Variants in CPNE8 observed in about 807,000 individuals in gnomAD.
CPNE8 encodes the protein copine-8.
CPNE8 carries 45 observed loss-of-function variants against 81.5 expected under a neutral mutation model. The observed-to-expected ratio is 0.55, with a 90% CI of 0.44 to 0.71. The LOEUF (loss-of-function observed/expected upper bound fraction) is 0.71, where lower values mean the gene tolerates loss of function less well. Among genes scored for constraint, CPNE8 ranks in the 30% least tolerant of loss-of-function variants. CPNE8 has a pLI of 0.00. For missense variants in CPNE8, 594 were observed against 672.1 expected (o/e 0.88, Z 1.28); for synonymous variants, 252 against 226.3 (o/e 1.11, Z -1.02).
At chr12:38,841,123 A>G (rs780906384) in intron 4 of CPNE8, among the ~76,000 whole-genome samples, 3 of 152,162 alleles carry the variant, frequency 2.0e-5, no homozygotes, top group Non-Finnish European at 4.4e-5. Context: ...TTCACTCTCT[A>G]GCAAAGAATG....
At chr12:38,877,678 T>C (rs1341510364) in intron 1 of CPNE8, among the ~76,000 whole-genome samples, 1 of 152,114 alleles carries the variant, frequency 6.6e-6, no homozygotes, top group East Asian at 1.9e-4. Context: ...TATCCACTCA[T>C]CCTCAAATTC....
chr12:38,900,711 T>C (rs904657241), intron 1 of CPNE8, among the ~76,000 whole-genome samples: 13 of 152,024 alleles, frequency 8.6e-5, no homozygotes, highest in African/African-American at 3.1e-4. Flanking sequence ...GTACCTTTTA[T>C]AAGTATTTTT....
chr12:38,730,214 A>G, intron 11 of CPNE8, 69 bp downstream of exon 11: 1 of 952,266 alleles, frequency 1.1e-6, no homozygotes. Flanking sequence ...GCTTTGCAGA[A>G]TCCACACTTT....
chr12:38,817,346 T>C (rs1465872635), intron 6 of CPNE8, among the ~76,000 whole-genome samples: 1 of 152,226 alleles, frequency 6.6e-6, no homozygotes, highest in Non-Finnish European at 1.5e-5. Context: ...TTCCTATATT[T>C]AGACTGTCTT....
intron 11 of CPNE8, among the ~76,000 whole-genome samples, chr12:38,725,588 A>G (rs826869): frequency 0.1 from 15,649 of 152,276 alleles, 1,017 homozygotes; most frequent in East Asian, 0.24. Context: ...AAATATGGAG[A>G]AAGCCTTTGA....
chr12:38,809,538 T>C (rs1457003542), intron 6 of CPNE8, among the ~76,000 whole-genome samples: 1 of 152,176 alleles, frequency 6.6e-6, no homozygotes, highest in Non-Finnish European at 1.5e-5. Flanking sequence ...TAACACAACA[T>C]AACATAACTA....
intron 1 of CPNE8, among the ~76,000 whole-genome samples, chr12:38,888,647 G>T (rs1420681565): frequency 6.6e-6 from 1 of 152,202 alleles, no homozygotes. Flanking sequence ...CTTATCAGAA[G>T]TGAGTAGAAC....
intron 6 of CPNE8, among the ~76,000 whole-genome samples, chr12:38,794,919 CAATT>C (rs1010124554): frequency 5.9e-5 from 9 of 152,170 alleles, no homozygotes; most frequent in African/African-American, 2.2e-4. Context: ...ACCATCCAAT[CAATT>C]GTCAGTATGG....
At chr12:38,730,559 T>TTTCA (rs1940808800) in intron 10 of CPNE8, among the ~76,000 whole-genome samples, 1 of 151,730 alleles carries the variant, frequency 6.6e-6, no homozygotes, top group Admixed American at 6.6e-5. Context: ...TGCCGGACAA[T>TTTCA]TTCATTAATA....
At chr12:38,811,332 C>CA (rs1336114058) in intron 6 of CPNE8, among the ~76,000 whole-genome samples, 3 of 151,564 alleles carry the variant, frequency 2.0e-5, no homozygotes, top group South Asian at 2.1e-4. Flanking sequence ...TAAACTACAA[C>CA]AAAAAAAGCT....
intron 16 of CPNE8, among the ~76,000 whole-genome samples, chr12:38,684,358 G>A (rs991365064): frequency 7.2e-5 from 11 of 152,028 alleles, no homozygotes; most frequent in African/African-American, 2.7e-4. Context: ...GATAAAACAG[G>A]TAAGACTAAG....
chr12:38,876,070 G>A (rs1944061837), intron 1 of CPNE8, among the ~76,000 whole-genome samples: 1 of 152,146 alleles, frequency 6.6e-6, no homozygotes, highest in Non-Finnish European at 1.5e-5. Flanking sequence ...ATATTGTGAT[G>A]TGGCTGTGAC....
intron 3 of CPNE8, among the ~76,000 whole-genome samples, chr12:38,863,997 T>G (rs1432904481): frequency 6.7e-6 from 1 of 148,354 alleles, no homozygotes; most frequent in Non-Finnish European, 1.5e-5. Flanking sequence ...GAGCTTGCAG[T>G]GAGCCGAGAT....
intron 1 of CPNE8, among the ~76,000 whole-genome samples, chr12:38,878,881 T>C (rs1357845757): frequency 6.6e-6 from 1 of 152,158 alleles, no homozygotes; most frequent in Non-Finnish European, 1.5e-5. Context: ...GAATTTTATT[T>C]ACAGAAATAA....
chr12:38,695,577 T>A (rs190134771), intron 14 of CPNE8, among the ~76,000 whole-genome samples: 44 of 152,332 alleles, frequency 2.9e-4, no homozygotes, highest in African/African-American at 1.0e-3. Context: ...TGACACTTGC[T>A]TCTAAAGTAG....
At chr12:38,806,621 C>T (rs1592108452) in intron 6 of CPNE8, among the ~76,000 whole-genome samples, 1 of 147,032 alleles carries the variant, frequency 6.8e-6, no homozygotes. Flanking sequence ...TAAGAGCTAT[C>T]TATGACAAAC....
chr12:38,884,549 C>G (rs774393877), intron 1 of CPNE8, among the ~76,000 whole-genome samples: 9 of 152,088 alleles, frequency 5.9e-5, no homozygotes, highest in Non-Finnish European at 1.2e-4. Context: ...GGGGTACATA[C>G]CTAACAGAAT....
chr12:38,744,565 C>A (rs1159666499), intron 10 of CPNE8, among the ~76,000 whole-genome samples: 2 of 152,028 alleles, frequency 1.3e-5, no homozygotes, highest in Non-Finnish European at 2.9e-5. Flanking sequence ...TGTTATAAAC[C>A]CATAGATGTC....
intron 10 of CPNE8, among the ~76,000 whole-genome samples, chr12:38,736,381 C>G (rs909667958): frequency 6.6e-6 from 1 of 151,566 alleles, no homozygotes; most frequent in Non-Finnish European, 1.5e-5. Flanking sequence ...ATCACATTTT[C>G]TAAGATGAAG....
Sources: allele counts gnomAD v4.1 joint callset (sites outside exome capture counted in the v4.1 genomes callset), GRCh38; gene constraint gnomAD v4.1.1; transcripts MANE v1.5; gene names NCBI Gene and HGNC (gene_info 2026-07-23, HGNC 2026-07-21).